The following PRKAR1A variants were observed in gnomAD, a reference collection of about 807,000 sequenced individuals.
PRKAR1A encodes the protein protein kinase cAMP-dependent type I regulatory subunit alpha.
PRKAR1A carries 3 observed loss-of-function variants against 52.0 expected under a neutral mutation model. That is an observed-to-expected ratio of 0.06 (90% CI 0.03 to 0.15). PRKAR1A has a LOEUF of 0.15. Among genes scored for constraint, PRKAR1A ranks in the 10% least tolerant of loss-of-function variants. The probability of loss-of-function intolerance (pLI) is 1.00; values close to 1 mark genes in which losing one functional copy is unlikely to be tolerated. For synonymous variants in PRKAR1A, 188 were observed against 168.4 expected, an observed-to-expected ratio of 1.12 and a Z score of -0.90; for missense variants, 240 against 477.4, an observed-to-expected ratio of 0.50 and a Z score of 4.63.
At chr17:68,449,594 GT>G in the PRKAR1A span, among the ~76,000 whole-genome samples, 2 of 152,146 alleles carry the variant, frequency 1.3e-5, no homozygotes, top group East Asian at 1.9e-4. Flanking sequence ...ACGAGACCTG[GT>G]TGTTTAATAG....
intron 11 of PRKAR1A, among the ~76,000 whole-genome samples, chr17:68,545,070 T>C (rs937303845): frequency 6.6e-6 from 1 of 152,214 alleles, no homozygotes; most frequent in Non-Finnish European, 1.5e-5. Flanking sequence ...ATTCTCTCTT[T>C]AATCAGAAAA....
chr17:68,505,007 T>G, the PRKAR1A span, among the ~76,000 whole-genome samples: 1 of 152,018 alleles, frequency 6.6e-6, no homozygotes, highest in African/African-American at 2.4e-5. Context: ...GTATAGAAAT[T>G]CAGTGGTTGG....
At chr17:68,430,267 A>G in the PRKAR1A span, 1 of 1,150,838 alleles carries the variant, frequency 8.7e-7, no homozygotes, top group Non-Finnish European at 1.2e-6. Context: ...CAGCAGGGAG[A>G]GACTGTGCCT....
intron 8 of PRKAR1A, among the ~76,000 whole-genome samples, chr17:68,528,424 T>G (rs2952272): frequency 0.31 from 47,059 of 152,004 alleles, 7,602 homozygotes; most frequent in East Asian, 0.56. Flanking sequence ...GTTTGGCCTT[T>G]GGGAATAAAA....
At chr17:68,461,721 A>G in the PRKAR1A span, among the ~76,000 whole-genome samples, 2 of 152,174 alleles carry the variant, frequency 1.3e-5, no homozygotes, top group African/African-American at 4.8e-5. This position sits in a 1 kb window ranked among gnomAD's most constrained non-coding sequence, Gnocchi z 4.6. Context: ...AGGGTAAAGG[A>G]GGAAGGGCCC....
chr17:68,448,469 G>A, the PRKAR1A span: 37 of 152,110 alleles, frequency 2.4e-4, no homozygotes, highest in African/African-American at 8.9e-4. Context: ...GACAGTTCCT[G>A]GTGCATCAGT....
At chr17:68,539,416 T>G (rs2086194074) in intron 11 of PRKAR1A, 1 of 1,612,692 alleles carries the variant, frequency 6.2e-7, no homozygotes, top group African/African-American at 1.3e-5. Context: ...GAAACAGGCT[T>G]TTATGGGTGG....
chr17:68,466,220 C>A, the PRKAR1A span, among the ~76,000 whole-genome samples: 1 of 152,084 alleles, frequency 6.6e-6, no homozygotes, highest in Non-Finnish European at 1.5e-5. Flanking sequence ...GGAAATGCCT[C>A]GCACGTGCGG....
intron 7 of PRKAR1A, among the ~76,000 whole-genome samples, chr17:68,526,841 A>G (rs2085807281): frequency 6.6e-6 from 1 of 152,162 alleles, no homozygotes; most frequent in Admixed American, 6.5e-5. Context: ...CTGGGCAACA[A>G]AATTACCTGA....
chr17:68,457,203 C>T, the PRKAR1A span: 276,217 of 980,716 alleles, frequency 0.28, 41,037 homozygotes, highest in East Asian at 0.34. Flanking sequence ...TAACAAGATC[C>T]CAATGCGTCC....
chr17:68,523,883 C>A (rs2085696571), intron 4 of PRKAR1A, 67 bp downstream of exon 4: 2 of 1,584,030 alleles, frequency 1.3e-6, no homozygotes, highest in Non-Finnish European at 1.7e-6. Flanking sequence ...GTTTTCAACA[C>A]TTGTTGCAAG....
intron 2 of PRKAR1A, among the ~76,000 whole-genome samples, chr17:68,520,373 T>A (rs2085566901): frequency 6.6e-6 from 1 of 152,178 alleles, no homozygotes; most frequent in African/African-American, 2.4e-5. Flanking sequence ...AGTGCAGAAT[T>A]TAATGCAAAA....
At chr17:68,431,852 G>A in the PRKAR1A span, among the ~76,000 whole-genome samples, 3 of 40,200 alleles carry the variant, frequency 7.5e-5, no homozygotes, top group Admixed American at 3.0e-4. Flanking sequence ...AGAGCCTGGA[G>A]TGGAAAATCA....
the PRKAR1A span, among the ~76,000 whole-genome samples, chr17:68,425,251 T>G: frequency 6.6e-6 from 1 of 152,200 alleles, no homozygotes; most frequent in Admixed American, 6.5e-5. Context: ...TCACCTAGGC[T>G]GGAGTGCAGT....
At chr17:68,550,468 C>T (rs1459708604) in intron 11 of PRKAR1A, among the ~76,000 whole-genome samples, 1 of 150,528 alleles carries the variant, frequency 6.6e-6, no homozygotes, top group Non-Finnish European at 1.5e-5. Context: ...GCAACCTCCT[C>T]CTCCTGGGTT....
At chr17:68,542,936 ACT>A (rs1161420300) in intron 11 of PRKAR1A, 8 of 736,732 alleles carry the variant, frequency 1.1e-5, no homozygotes, top group South Asian at 2.9e-5. Flanking sequence ...GTGAGGCGTG[ACT>A]CTGCACTGTT....
intron 11 of PRKAR1A, among the ~76,000 whole-genome samples, chr17:68,549,043 G>A (rs1221272891): frequency 6.6e-6 from 1 of 152,090 alleles, no homozygotes; most frequent in Non-Finnish European, 1.5e-5. Flanking sequence ...GCCTGTATTT[G>A]TTTTAACTGA....
the PRKAR1A span, among the ~76,000 whole-genome samples, chr17:68,426,858 A>G: frequency 1.3e-5 from 2 of 152,216 alleles, no homozygotes; most frequent in African/African-American, 4.8e-5. Flanking sequence ...TGAAGAGGCA[A>G]AGGGTTAACA....
chr17:68,521,006 A>T (rs781754453), intron 2 of PRKAR1A, among the ~76,000 whole-genome samples: 1 of 152,092 alleles, frequency 6.6e-6, no homozygotes, highest in Non-Finnish European at 1.5e-5. Flanking sequence ...CAGTGGTGCA[A>T]TCTCGGCTCA....
Sources: gnomAD v4.1 joint callset for allele counts (sites outside exome capture counted in the v4.1 genomes callset) on GRCh38, gnomAD v4.1.1 for gene constraint, Gnocchi (gnomAD v3.1) non-coding constraint, MANE v1.5 for transcripts, NCBI Gene and HGNC (gene_info 2026-07-23, HGNC 2026-07-21) for gene names.